The following MEGF11 variants were observed in gnomAD, a reference collection of about 807,000 sequenced individuals.
MEGF11 encodes multiple EGF like domains 11.
In MEGF11, 126 loss-of-function variants were observed where a neutral mutation model predicts 146.6. The observed-to-expected ratio is 0.86, with a 90% CI of 0.74 to 1.00. The LOEUF (loss-of-function observed/expected upper bound fraction) is 1.00, where lower values mean the gene tolerates loss of function less well. Ranked by LOEUF, MEGF11 falls within the 50% of genes least tolerant of loss-of-function variation. The pLI is 0.00. For synonymous variants in MEGF11, 532 were observed against 583.4 expected, an observed-to-expected ratio of 0.91 and a Z score of 1.27; for missense variants, 1,509 against 1,521.2, an observed-to-expected ratio of 0.99 and a Z score of 0.13.
rs576250002 is a variant in MEGF11, at chr15:65,973,273, T to TAAAG, written c.763-2588_763-2585dup. Reference sequence around the variant, plus strand: ...GCTGCAGGCCTGGAGAGCAAAGAGTTAAAGAGTTCAGACTGGAACAGAAGA... The same window carrying TAAAG: ...GCTGCAGGCCTGGAGAGCAAAGAGTTAAAGAAAGAGTTCAGACTGGAACAGAAGA... On this transcript the variant is annotated intron_variant, in intron 7 of 25. Transcript: ENST00000395614. Among the ~76,000 whole-genome samples, 96 of 152,218 alleles carry TAAAG rather than the reference T, an allele frequency of 6.3e-4. 1 individual carries two copies. Among genetic ancestry groups the TAAAG allele is most frequent in the African/African-American group, 2.3e-3 (94 of 41,522 alleles).
chr15:65,903,527 C>G (rs2078546145), intron 24 of MEGF11, among the ~76,000 whole-genome samples: 1 of 152,068 alleles, frequency 6.6e-6, no homozygotes, highest in African/African-American at 2.4e-5. Flanking sequence ...TAGTACAGCC[C>G]CATCGTTTTA....
At chr15:66,168,825 T>C (rs1239793256) in intron 1 of MEGF11, among the ~76,000 whole-genome samples, 1 of 152,106 alleles carries the variant, frequency 6.6e-6, no homozygotes. Context: ...TCATCTCTAC[T>C]AAAAATACAA....
chr15:65,900,407 C>G (rs1326799528), intron 24 of MEGF11, among the ~76,000 whole-genome samples: 5 of 152,210 alleles, frequency 3.3e-5, no homozygotes, highest in Non-Finnish European at 7.3e-5. Context: ...GCTGAAGTAG[C>G]TAGATGTGTG....
intron 21 of MEGF11, 77 bp downstream of exon 21, chr15:65,912,005 G>T: frequency 1.3e-6 from 1 of 790,448 alleles, no homozygotes; most frequent in Non-Finnish European, 1.7e-6. Context: ...CGGGGGGCGT[G>T]CAGTTCCTTC....
chr15:65,898,429 T>G, intron 25 of MEGF11: 1 of 985,410 alleles, frequency 1.0e-6, no homozygotes, highest in East Asian at 1.1e-4. Context: ...AAATGAGATT[T>G]GTATCAACAA....
rs115701844 is a variant in MEGF11, at chr15:66,089,890, C to T, written c.394+4512G>A. Among the ~76,000 whole-genome samples the T allele has an allele frequency of 9.1e-4, 138 of 152,282 alleles. 1 individual carries two copies. Among genetic ancestry groups the T allele is most frequent in the African/African-American group, 3.2e-3 (134 of 41,544 alleles). ...TGCAATTTAATAAGAGTCACTCTGT[C>T]GTCTTTATTCAGTATAAATTGACAT... On this transcript the variant is annotated intron_variant, in intron 5 of 25. Coordinates refer to ENST00000395614, the MANE Select transcript of MEGF11 (RefSeq NM_001385028.1).
chr15:66,214,002 G>A (rs1360102936), intron 1 of MEGF11, among the ~76,000 whole-genome samples: 1 of 146,048 alleles, frequency 6.8e-6, no homozygotes, highest in Non-Finnish European at 1.5e-5. Context: ...CTCAGAAGCA[G>A]TTAGATATGC....
intron 1 of MEGF11, among the ~76,000 whole-genome samples, chr15:66,164,132 A>G (rs2090035054): frequency 6.6e-6 from 1 of 152,166 alleles, no homozygotes; most frequent in South Asian, 2.1e-4. Flanking sequence ...GCCTGAACGA[A>G]GCTAAACCAG....
chr15:66,101,177 G>A (rs544062322), intron 4 of MEGF11, among the ~76,000 whole-genome samples: 91 of 152,138 alleles, frequency 6.0e-4, no homozygotes, highest in African/African-American at 2.0e-3. Flanking sequence ...AGGGACAGGG[G>A]AAGACATAGG....
intron 5 of MEGF11, among the ~76,000 whole-genome samples, chr15:66,045,136 T>C (rs1033629826): frequency 1.3e-5 from 2 of 152,200 alleles, no homozygotes; most frequent in South Asian, 2.1e-4. Context: ...ACAAAATCTA[T>C]TGTGGGTCCA....
chr15:65,940,474 AAG>A (rs2141369483), intron 10 of MEGF11, among the ~76,000 whole-genome samples: 1 of 152,356 alleles, frequency 6.6e-6, no homozygotes, highest in Non-Finnish European at 1.5e-5. Context: ...CCTAGGGAGA[AAG>A]AGTGACACGT....
intron 5 of MEGF11, among the ~76,000 whole-genome samples, chr15:65,991,121 C>T (rs562938142): frequency 3.5e-4 from 53 of 152,242 alleles, no homozygotes; most frequent in African/African-American, 1.2e-3. Context: ...TTAACCACAC[C>T]GTCTATACCT....
chr15:65,997,376 C>T (rs2141813130), intron 5 of MEGF11, among the ~76,000 whole-genome samples: 1 of 152,298 alleles, frequency 6.6e-6, no homozygotes, highest in Non-Finnish European at 1.5e-5. Context: ...GTGCCAGTCA[C>T]TGGGGATTGA....
chr15:66,158,080 G>T (rs1288854775), intron 1 of MEGF11, among the ~76,000 whole-genome samples: 1 of 152,180 alleles, frequency 6.6e-6, no homozygotes, highest in African/African-American at 2.4e-5. Flanking sequence ...TTGCGTGAAT[G>T]ACTTGCAAAT....
intron 5 of MEGF11, among the ~76,000 whole-genome samples, chr15:66,085,299 T>C (rs1480352030): frequency 2.0e-5 from 3 of 152,074 alleles, no homozygotes; most frequent in Non-Finnish European, 4.4e-5. Context: ...CCCCACCCAC[T>C]ACCGGTCCCT....
intron 5 of MEGF11, among the ~76,000 whole-genome samples, chr15:66,011,670 A>G (rs942347601): frequency 1.3e-5 from 2 of 151,966 alleles, no homozygotes; most frequent in Non-Finnish European, 2.9e-5. Context: ...AAAACGATGC[A>G]TGTAGCGCCC....
At chr15:66,052,497 T>C (rs1468374656) in intron 5 of MEGF11, among the ~76,000 whole-genome samples, 1 of 152,206 alleles carries the variant, frequency 6.6e-6, no homozygotes, top group East Asian at 1.9e-4. Context: ...ATCCACATCC[T>C]GGGCTGCGCT....
At chr15:66,129,478 A>G (rs2088550623) in intron 1 of MEGF11, among the ~76,000 whole-genome samples, 1 of 152,240 alleles carries the variant, frequency 6.6e-6, no homozygotes, top group Admixed American at 6.5e-5. Context: ...TACTGAATTC[A>G]GAGTAGCTTT....
At chr15:66,109,918 T>A (rs1335135062) in intron 4 of MEGF11, among the ~76,000 whole-genome samples, 1 of 152,198 alleles carries the variant, frequency 6.6e-6, no homozygotes, top group Non-Finnish European at 1.5e-5. Context: ...GGGGAAAGCC[T>A]CGCAGAGACT....
Sources: allele counts gnomAD v4.1 joint callset (sites outside exome capture counted in the v4.1 genomes callset), GRCh38; gene constraint gnomAD v4.1.1; transcripts MANE v1.5; gene names NCBI Gene and HGNC (gene_info 2026-07-23, HGNC 2026-07-21).